Variants in GRM7 observed in about 807,000 individuals in gnomAD.
The protein encoded by GRM7 is metabotropic glutamate receptor 7.
Under a neutral mutation model 84.5 loss-of-function variants are expected in GRM7, and 35 were observed. That is an observed-to-expected ratio of 0.41 (90% CI 0.32 to 0.55). The LOEUF (loss-of-function observed/expected upper bound fraction) is 0.55. GRM7 is among the 20% of genes least tolerant of loss of function. The pLI, the probability that GRM7 is intolerant of heterozygous loss-of-function variation, is 0.19. For missense variants in GRM7, 1,003 were observed against 1,194.6 expected (o/e 0.84, Z 2.36); for synonymous variants, 487 against 455.1 (o/e 1.07, Z -0.89).
At chr3:7,326,335 G>C (rs531403642) in intron 4 of GRM7, among the ~76,000 whole-genome samples, 2 of 152,174 alleles carry the variant, frequency 1.3e-5, no homozygotes, top group African/African-American at 4.8e-5. Context: ...TAGGTGGGAC[G>C]GCAGGTGAGT....
At chr3:7,530,971 T>C (rs539960350) in intron 7 of GRM7, among the ~76,000 whole-genome samples, 7 of 152,346 alleles carry the variant, frequency 4.6e-5, no homozygotes, top group African/African-American at 1.7e-4. Context: ...TTTGTCAATT[T>C]TGGCTTTTGT....
At chr3:7,220,799 T>A (rs1696775133) in intron 2 of GRM7, among the ~76,000 whole-genome samples, 1 of 152,162 alleles carries the variant, frequency 6.6e-6, no homozygotes. Flanking sequence ...TAGTTTATTT[T>A]TAAAAAGAGA....
intron 8 of GRM7, among the ~76,000 whole-genome samples, chr3:7,617,664 G>C (rs1029307657): frequency 2.6e-5 from 4 of 152,044 alleles, no homozygotes; most frequent in Admixed American, 2.0e-4. Context: ...AAATGAAACA[G>C]AAAACTCTGA....
Position 7,699,015 on chromosome 3 carries a change from G to T in GRM7, c.2698+18720G>T, listed in dbSNP as rs950985260. On this transcript the variant is annotated intron_variant, in intron 9 of 9. Coordinates refer to ENST00000357716, the MANE Select transcript of GRM7 (RefSeq NM_000844.4). ...ATTGTCAGAGACCCTACATGCTTTC[G>T]GCATCTTAGCTTAGGAACAGGATAT... Among the ~76,000 whole-genome samples, 12 of 152,038 alleles carry T rather than the reference G, an allele frequency of 7.9e-5. No homozygotes were observed. The East Asian group carries it at 2.3e-3, about 29-fold the overall frequency.
At chr3:7,616,403 C>T (rs569711694) in intron 8 of GRM7, among the ~76,000 whole-genome samples, 5 of 152,180 alleles carry the variant, frequency 3.3e-5, no homozygotes, top group East Asian at 1.9e-4. Context: ...AATCTCAGGA[C>T]GCTAATCTGG....
In GRM7 at chr3:7,288,132, A is replaced by G. The variant is rs17047042; in HGVS notation, c.737-10552A>G. Among the ~76,000 whole-genome samples the G allele has an allele frequency of 5.8e-3, 887 of 152,294 alleles. 8 individuals carry two copies. The highest frequency in any genetic ancestry group is 0.02 in the African/African-American group (832 of 41,562). On this transcript the variant is annotated intron_variant, in intron 2 of 9. Transcript: ENST00000357716. ...AGAGATCTGAATATATGTTATGCCC[A>G]TTCCTACTGACAGGATGAAGACTCA...
intron 2 of GRM7, among the ~76,000 whole-genome samples, chr3:7,251,529 A>G (rs1017609920): frequency 1.3e-5 from 2 of 152,198 alleles, no homozygotes; most frequent in African/African-American, 4.8e-5. Flanking sequence ...TGATATCACT[A>G]TAATAGCATA....
intron 9 of GRM7, chr3:7,694,388 G>A: frequency 1.1e-6 from 1 of 944,614 alleles, no homozygotes; most frequent in Non-Finnish European, 1.3e-6. Flanking sequence ...ATTCCCATCT[G>A]ATATTCTTCT....
chr3:7,099,594 A>G (rs1049078698), intron 1 of GRM7, among the ~76,000 whole-genome samples: 1 of 140,872 alleles, frequency 7.1e-6, no homozygotes, highest in Admixed American at 7.2e-5. Context: ...ATGTATATGT[A>G]CACGCATTAT....
intron 2 of GRM7, among the ~76,000 whole-genome samples, chr3:7,164,949 T>A (rs1213417620): frequency 6.6e-6 from 1 of 151,758 alleles, no homozygotes; most frequent in Non-Finnish European, 1.5e-5. Context: ...TAAAAAGGAG[T>A]CTTCAGGGGT....
chr3:7,634,570 G>C (rs1430840209), intron 8 of GRM7, among the ~76,000 whole-genome samples: 1 of 142,688 alleles, frequency 7.0e-6, no homozygotes, highest in Non-Finnish European at 1.5e-5. Flanking sequence ...TGGATCACAA[G>C]ATCAAGGAGA....
At chr3:7,527,020 G>T (rs1322849802) in intron 7 of GRM7, among the ~76,000 whole-genome samples, 1 of 151,678 alleles carries the variant, frequency 6.6e-6, no homozygotes, top group Non-Finnish European at 1.5e-5. Flanking sequence ...GCTCTTTTTA[G>T]TTCTATAAAA....
chr3:7,436,486 T>G (rs1257274918), intron 5 of GRM7, among the ~76,000 whole-genome samples: 1 of 77,166 alleles, frequency 1.3e-5, no homozygotes, highest in Non-Finnish European at 2.7e-5. Context: ...TGGGCCATAC[T>G]TTGTCTACCT....
rs1026833752 is a variant in GRM7 at position 7,104,362 on chromosome 3, A to T, written c.520-42090A>T. 8.6e-5 allele frequency among the ~76,000 whole-genome samples: 13 copies of T among 151,744 alleles called. No individual in the cohort carries two copies. In the Admixed American group the frequency reaches 8.6e-4, roughly 10 times the overall value. On this transcript the variant is annotated intron_variant, in intron 1 of 9. Coordinates refer to ENST00000357716, the MANE Select transcript of GRM7 (RefSeq NM_000844.4). ...AGGATCTCAGTCTTTCAGTTTCTAG[A>T]CTGTGAAAATATAAATTTTTGATTT...
chr3:7,284,171 A>G (rs1389583048), intron 2 of GRM7, among the ~76,000 whole-genome samples: 1 of 152,218 alleles, frequency 6.6e-6, no homozygotes, highest in Non-Finnish European at 1.5e-5. Context: ...TTAGCTAAGT[A>G]GAAATCACAA....
chr3:6,981,768 G>A (rs185568045), intron 1 of GRM7, among the ~76,000 whole-genome samples: 1 of 152,036 alleles, frequency 6.6e-6, no homozygotes, highest in Admixed American at 6.5e-5. Flanking sequence ...CCAGTCAGAA[G>A]GGCTATTATT....
rs551861902 is a variant in GRM7, at chr3:7,056,764, T to C, written c.520-89688T>C. Among the ~76,000 whole-genome samples the C allele has an allele frequency of 3.3e-5, 5 of 152,106 alleles. No homozygotes were observed. In the East Asian group the frequency reaches 9.7e-4, roughly 30 times the overall value. On this transcript the variant is annotated intron_variant, in intron 1 of 9. Transcript: ENST00000357716. ...TTTGGTTAAACTATTGTACCCATTT[T>C]CAAATAGTGGAATAACAGAGAGAAA...
At chr3:7,051,535 A>C (rs1161286005) in intron 1 of GRM7, among the ~76,000 whole-genome samples, 2 of 151,780 alleles carry the variant, frequency 1.3e-5, no homozygotes, top group African/African-American at 4.8e-5. Context: ...TATCAATTGA[A>C]TCTTGAACTG....
intron 1 of GRM7, among the ~76,000 whole-genome samples, chr3:6,879,821 A>T (rs1330679864): frequency 2.6e-5 from 4 of 152,212 alleles, no homozygotes; most frequent in Admixed American, 2.6e-4. Flanking sequence ...TTCCTCATGT[A>T]ACAGTTTGGA....
Sources: allele counts gnomAD v4.1 joint callset (sites outside exome capture counted in the v4.1 genomes callset), GRCh38; gene constraint gnomAD v4.1.1; transcripts MANE v1.5; gene names NCBI Gene and HGNC (gene_info 2026-07-23, HGNC 2026-07-21).